The following ADAP1 variants were observed in gnomAD, a reference collection of about 807,000 sequenced individuals.
ADAP1 encodes arf-GAP with dual PH domain-containing protein 1.
In ADAP1, 31 loss-of-function variants were observed where a neutral mutation model predicts 54.9. The observed-to-expected ratio is 0.56, with a 90% CI of 0.42 to 0.76. The LOEUF is 0.76. Among genes scored for constraint, ADAP1 ranks in the 30% least tolerant of loss-of-function variants. The probability of loss-of-function intolerance (pLI) is 0.00; values close to 1 mark genes in which losing one functional copy is unlikely to be tolerated. For missense variants in ADAP1, 535 were observed against 512.4 expected, an observed-to-expected ratio of 1.04 and a Z score of -0.42; for synonymous variants, 313 against 202.6, an observed-to-expected ratio of 1.55 and a Z score of -4.63.
At chr7:931,174 G>T (rs1312049292) in intron 2 of ADAP1, among the ~76,000 whole-genome samples, 1 of 152,036 alleles carries the variant, frequency 6.6e-6, no homozygotes, top group Non-Finnish European at 1.5e-5. Context: ...AGGGAGCGAG[G>T]CCCACACAGA....
At chr7:899,005 C>G in intron 10 of ADAP1, 28 bp downstream of exon 10, 1 of 1,609,680 alleles carries the variant, frequency 6.2e-7, no homozygotes, top group Non-Finnish European at 8.5e-7. Flanking sequence ...GGAGCCCTTC[C>G]AGGCCGCCGG....
chr7:918,724 C>G (rs147809649), intron 4 of ADAP1, among the ~76,000 whole-genome samples: 4 of 152,172 alleles, frequency 2.6e-5, no homozygotes, highest in East Asian at 3.9e-4. Context: ...CCTGTCGACA[C>G]GGTGGAGAAA....
intron 4 of ADAP1, among the ~76,000 whole-genome samples, chr7:914,091 C>T (rs1036336450): frequency 3.9e-5 from 6 of 152,210 alleles, no homozygotes; most frequent in African/African-American, 1.2e-4. Context: ...GAGAACAACC[C>T]GGCCATTTCC....
intron 1 of ADAP1, among the ~76,000 whole-genome samples, chr7:935,739 G>A (rs1229927688): frequency 6.6e-6 from 1 of 151,626 alleles, no homozygotes; most frequent in Non-Finnish European, 1.5e-5. Flanking sequence ...TGAGGAAGCC[G>A]ATCTGCATGC....
chr7:906,712 GACA>G lies in ADAP1; in HGVS notation c.389-1543_389-1541del, dbSNP rs879779861. Among the ~76,000 whole-genome samples, 148 of 27,994 alleles carry G rather than the reference GACA, an allele frequency of 5.3e-3. 9 individuals carry two copies. The highest frequency in any genetic ancestry group is 0.019 in the Middle Eastern group (1 of 52). The allele number at this position is 27,994 out of a possible 152,430, so 18.4% of individuals were successfully genotyped here. ...CGGGGGACATGGACATGGGGGACGG[GACA>G]TCGGGGACGGGACATGGGGGACAGA... On this transcript the variant is annotated intron_variant, in intron 4 of 10. Coordinates refer to ENST00000265846, the MANE Select transcript of ADAP1 (RefSeq NM_006869.4).
rs1583180734 is a variant in ADAP1, at chr7:937,583, ACCTCTGGGATTTGGGGGTCACGCCCGG to A, written c.83-2105_83-2079del. 4.0e-3 allele frequency among the ~76,000 whole-genome samples: 81 copies of A among 20,204 alleles called. 6 individuals are homozygous for A. In the East Asian group the frequency reaches 0.23, roughly 58 times the overall value. The allele number at this position is 20,204 out of a possible 152,430, so 13.3% of individuals were successfully genotyped here. On this transcript the variant is annotated intron_variant, in intron 1 of 10. Transcript: ENST00000265846. Reference sequence around the variant, plus strand: ...CTCTGGGATTTGGGGGTCACGCCCGACCTCTGGGATTTGGGGGTCACGCCCGGCCTCTGGGATTTGGGGGTCACGCCC... The same window carrying A: ...CTCTGGGATTTGGGGGTCACGCCCGACCTCTGGGATTTGGGGGTCACGCCC...
chr7:900,839 T>A, intron 6 of ADAP1: 2 of 643,864 alleles, frequency 3.1e-6, no homozygotes, highest in Non-Finnish European at 2.9e-6. Context: ...GGAGGGCAGG[T>A]GCAGCCTCCC....
In ADAP1 at chr7:898,272, G is replaced by A. The variant is rs906023958; in HGVS notation, c.*649C>T. The A allele has an allele frequency of 3.8e-5, 6 of 156,710 alleles. No homozygotes were observed. The highest frequency in any genetic ancestry group is 1.2e-4 in the Admixed American group (2 of 16,476). The allele number at this position is 156,710 out of a possible 1,614,324, so 9.7% of individuals were successfully genotyped here. A position where few individuals can be genotyped will look rare whatever the true frequency, so the allele number is the denominator to read the frequency against. The stretch of plus-strand genomic sequence containing the variant: ...CCCCAAGGGTTCAGACACCACTGTC[G>A]GCGAGCACCGTGCTGGGCGCAGAGG... On this transcript the variant is annotated 3_prime_UTR_variant, in exon 11 of 11. Coordinates refer to ENST00000265846, the MANE Select transcript of ADAP1 (RefSeq NM_006869.4).
At chr7:943,989 C>A (rs1000026463) in intron 1 of ADAP1, among the ~76,000 whole-genome samples, 5 of 151,974 alleles carry the variant, frequency 3.3e-5, no homozygotes, top group Admixed American at 6.6e-5. Flanking sequence ...AATCATGGCT[C>A]ACTGCAGCCT....
At chr7:948,388 G>A (rs1443408024) in intron 1 of ADAP1, among the ~76,000 whole-genome samples, 2 of 151,956 alleles carry the variant, frequency 1.3e-5, no homozygotes, top group African/African-American at 4.8e-5. Flanking sequence ...CCCGAGTTTC[G>A]GCTTCCCTCC....
chr7:905,294 C>G (rs569446430), intron 4 of ADAP1, 122 bp from the exon 5 acceptor site: 5 of 237,624 alleles, frequency 2.1e-5, no homozygotes, highest in Admixed American at 6.4e-5. Flanking sequence ...ACGGGGGACA[C>G]GGACAGGGGG....
At position 935,447 on chromosome 7, in the gene ADAP1, G is replaced by A; in HGVS notation, c.141C>T (p.Ile47=). ...GVFICLSCSG[I]HRNIPQVSKV... ...TGCTGACCTGGGGGATATTCCGGTG[G>A]ATTCCCGAGCAGCTCAGGCAGATGA... Residue 47 remains isoleucine, a synonymous_variant, in exon 2 of 11, where the codon ATC becomes ATT. Coordinates refer to ENST00000265846, the MANE Select transcript of ADAP1 (RefSeq NM_006869.4). The A allele has an allele frequency of 6.4e-7, 1 of 1,561,098 alleles. No individual in the cohort carries two copies. Among genetic ancestry groups the A allele is most frequent in the Non-Finnish European group, 8.7e-7 (1 of 1,152,644 alleles).
At chr7:904,388 G>A in intron 5 of ADAP1, 116 bp from the exon 6 acceptor site, 3 of 1,363,048 alleles carry the variant, frequency 2.2e-6, no homozygotes, top group Non-Finnish European at 2.9e-6. Flanking sequence ...GTGGCTTTGG[G>A]CAAGTTACTT....
At chr7:950,207 C>T (rs892869494) in intron 1 of ADAP1, among the ~76,000 whole-genome samples, 1 of 152,366 alleles carries the variant, frequency 6.6e-6, no homozygotes, top group African/African-American at 2.4e-5. Flanking sequence ...GAATACCAGC[C>T]GGGCATGGTG....
intron 1 of ADAP1, 57 bp from the exon 2 acceptor site, chr7:935,562 G>A: frequency 6.5e-7 from 1 of 1,543,304 alleles, no homozygotes. Context: ...CGGAGGGAGG[G>A]TGGACGGAGC....
Position 898,855 on chromosome 7 carries a change from C to G in ADAP1, c.*66G>C, listed in dbSNP as rs944179676. On this transcript the variant is annotated 3_prime_UTR_variant, in exon 11 of 11. Transcript: ENST00000265846. ...GTGGCCTCAGGACGCCAGAGCCCCC[C>G]CATCCACGGGTCCCCTCCGTCCAGC... is the stretch of plus-strand genomic sequence containing the variant. 18 of 1,551,942 alleles carry G rather than the reference C, an allele frequency of 1.2e-5. No homozygotes were observed. Among genetic ancestry groups the G allele is most frequent in the Non-Finnish European group, 1.6e-5 (18 of 1,150,322 alleles).
chr7:951,743 A>G (rs1847276681), intron 1 of ADAP1, among the ~76,000 whole-genome samples: 1 of 152,210 alleles, frequency 6.6e-6, no homozygotes, highest in Non-Finnish European at 1.5e-5. Flanking sequence ...ATAAAAAAGA[A>G]CAAAAGAGCT....
chr7:899,287 C>A (rs117742034), intron 9 of ADAP1, 26 bp from the exon 10 acceptor site: 1 of 1,611,294 alleles, frequency 6.2e-7, no homozygotes. Context: ...GCACTGGAGG[C>A]GGGGCCATGT....
chr7:909,179 G>GGACGC (rs1562917919), intron 4 of ADAP1, among the ~76,000 whole-genome samples: 2 of 127,630 alleles, frequency 1.6e-5, no homozygotes, highest in Non-Finnish European at 3.4e-5. Context: ...GCAGGCGCCA[G>GGACGC]CGGGAACCCC....
Sources: allele counts gnomAD v4.1 joint callset (sites outside exome capture counted in the v4.1 genomes callset), GRCh38; gene constraint gnomAD v4.1.1; transcripts MANE v1.5; gene names NCBI Gene and HGNC (gene_info 2026-07-23, HGNC 2026-07-21).